The following RBFOX1 variants were observed in gnomAD, a reference collection of about 807,000 sequenced individuals.
RBFOX1 encodes RNA binding fox-1 homolog 1.
RBFOX1 carries 8 observed loss-of-function variants against 57.7 expected under a neutral mutation model. The ratio of observed to expected loss-of-function variants is 0.14; its 90% CI spans 0.08 to 0.25. The LOEUF (loss-of-function observed/expected upper bound fraction) is 0.25, where lower values mean the gene tolerates loss of function less well. RBFOX1 is among the 10% of genes least tolerant of loss of function. The pLI, the probability that RBFOX1 is intolerant of heterozygous loss-of-function variation, is 1.00. For synonymous variants in RBFOX1, 326 were observed against 222.4 expected (o/e 1.47, Z -4.15); for missense variants, 611 against 548.5 (o/e 1.11, Z -1.14).
At chr16:6,799,807 C>T (rs181003446) in intron 3 of RBFOX1, among the ~76,000 whole-genome samples, 147 of 150,382 alleles carry the variant, frequency 9.8e-4, no homozygotes, top group African/African-American at 3.4e-3. Flanking sequence ...TTGCTAGAGG[C>T]TCTTGGGACT....
chr16:6,237,706 A>C (rs2097516258), intron 1 of RBFOX1, among the ~76,000 whole-genome samples: 1 of 151,994 alleles, frequency 6.6e-6, no homozygotes. Context: ...ACACCACTAC[A>C]CTCCAGCCTG....
intron 2 of RBFOX1, among the ~76,000 whole-genome samples, chr16:6,467,612 AT>A (rs1415484199): frequency 3.3e-5 from 5 of 152,158 alleles, no homozygotes; most frequent in African/African-American, 1.2e-4. Flanking sequence ...GTTGTTTCCT[AT>A]TAAAAGGAAA....
intron 12 of RBFOX1, among the ~76,000 whole-genome samples, chr16:7,655,829 A>G (rs537500878): frequency 5.3e-5 from 8 of 152,338 alleles, no homozygotes; most frequent in African/African-American, 1.9e-4. Context: ...TATATGGTTT[A>G]TCCTCACATG....
intron 4 of RBFOX1, among the ~76,000 whole-genome samples, chr16:7,172,412 A>G (rs1271939294): frequency 1.3e-5 from 2 of 152,192 alleles, no homozygotes; most frequent in Non-Finnish European, 2.9e-5. Context: ...ACACATTGTT[A>G]TTCCCACCAT....
chr16:6,894,688 C>G (rs116373911), intron 3 of RBFOX1, among the ~76,000 whole-genome samples: 2,732 of 152,274 alleles, frequency 0.018, 94 homozygotes, highest in African/African-American at 0.059. Flanking sequence ...TAGCCTCGAC[C>G]TCACTAAAAC....
At chr16:6,934,581 A>C (rs115569571) in intron 3 of RBFOX1, among the ~76,000 whole-genome samples, 1 of 152,202 alleles carries the variant, frequency 6.6e-6, no homozygotes, top group African/African-American at 2.4e-5. Context: ...TAACAAAGTC[A>C]TGTCATTTGC....
At chr16:6,871,530 C>T (rs889580239) in intron 3 of RBFOX1, among the ~76,000 whole-genome samples, 1 of 151,978 alleles carries the variant, frequency 6.6e-6, no homozygotes, top group Admixed American at 6.6e-5. Context: ...CCCTCATGCC[C>T]AGAGATCAAC....
Position 6,670,987 on chromosome 16 carries a change from G to C in RBFOX1, c.-16+16337G>C, listed in dbSNP as rs536604582. Among the ~76,000 whole-genome samples, 23 of 152,262 alleles carry C rather than the reference G, an allele frequency of 1.5e-4. No homozygotes were observed. In the South Asian group the frequency reaches 4.6e-3, roughly 30 times the overall value. On this transcript the variant is annotated intron_variant, in intron 3 of 15. Transcript: ENST00000550418. Reference sequence around the variant, plus strand: ...TGCACTCCAGCCTGGGTGACAGAGCGAGACTCCATCTCAAAAAAACAAAAA... The same window carrying C: ...TGCACTCCAGCCTGGGTGACAGAGCCAGACTCCATCTCAAAAAAACAAAAA...
At chr16:7,241,951 G>A (rs376277312) in intron 4 of RBFOX1, among the ~76,000 whole-genome samples, 39 of 152,092 alleles carry the variant, frequency 2.6e-4, no homozygotes, top group Middle Eastern at 3.4e-3. Context: ...CTGCATATGC[G>A]TGTGTATATA....
intron 4 of RBFOX1, among the ~76,000 whole-genome samples, chr16:5,895,675 T>C (rs2058146914): frequency 6.6e-6 from 1 of 152,166 alleles, no homozygotes; most frequent in Non-Finnish European, 1.5e-5. Flanking sequence ...ATTTAACTCT[T>C]GCAGACTTAG....
At chr16:6,914,412 G>A (rs750240105) in intron 3 of RBFOX1, among the ~76,000 whole-genome samples, 9 of 152,162 alleles carry the variant, frequency 5.9e-5, no homozygotes, top group Non-Finnish European at 1.2e-4. Flanking sequence ...AAAAGAGGAA[G>A]AGAGAAGAGA....
chr16:6,273,130 T>G (rs1356876418), intron 1 of RBFOX1, among the ~76,000 whole-genome samples: 1 of 151,588 alleles, frequency 6.6e-6, no homozygotes, highest in Admixed American at 6.6e-5. Context: ...CATGGTGGCT[T>G]CAGCCTGTAA....
chr16:6,624,280 A>T (rs955416224), intron 2 of RBFOX1, among the ~76,000 whole-genome samples: 7 of 152,228 alleles, frequency 4.6e-5, no homozygotes, highest in African/African-American at 1.7e-4. Context: ...TCCTTTGCAA[A>T]AGTACCTTTT....
In RBFOX1 at chr16:6,711,498, C is replaced by A. The variant is rs1441421224; in HGVS notation, c.-16+56848C>A. On this transcript the variant is annotated intron_variant, in intron 3 of 15. Coordinates refer to ENST00000550418, the MANE Select transcript of RBFOX1 (RefSeq NM_018723.4). ...TAGGAGGTGACTGGGTCATGCTGTT[C>A]TTGTGGTAGAGAGTGAGTTCTCACA... Among the ~76,000 whole-genome samples the A allele has an allele frequency of 2.0e-5, 3 of 152,120 alleles. No individual in the cohort carries two copies. In the East Asian group the frequency reaches 5.8e-4, roughly 29 times the overall value.
At chr16:7,077,794 G>C (rs2058537838) in intron 4 of RBFOX1, among the ~76,000 whole-genome samples, 1 of 152,094 alleles carries the variant, frequency 6.6e-6, no homozygotes, top group Non-Finnish European at 1.5e-5. Context: ...ACTTAAATGA[G>C]GTTTTGATAT....
intron 3 of RBFOX1, among the ~76,000 whole-genome samples, chr16:7,002,895 A>C (rs2153636792): frequency 6.6e-6 from 1 of 152,314 alleles, no homozygotes; most frequent in African/African-American, 2.4e-5. Context: ...TAAGGCTAGA[A>C]ATCAGAATAA....
At chr16:5,704,932 G>A (rs926835049) in intron 3 of RBFOX1, among the ~76,000 whole-genome samples, 2 of 152,120 alleles carry the variant, frequency 1.3e-5, no homozygotes, top group Admixed American at 6.5e-5. Context: ...CAACCAAAAA[G>A]TCATATGGGA....
At chr16:6,317,358 C>A (rs564681677) in intron 2 of RBFOX1, among the ~76,000 whole-genome samples, 2 of 151,746 alleles carry the variant, frequency 1.3e-5, no homozygotes, top group Admixed American at 1.3e-4. Flanking sequence ...CTTTTTTTCT[C>A]CCCCTAAGGT....
At chr16:5,251,019 T>C (rs1003854619) in intron 1 of RBFOX1, among the ~76,000 whole-genome samples, 1 of 152,202 alleles carries the variant, frequency 6.6e-6, no homozygotes, top group African/African-American at 2.4e-5. Context: ...CTGCAGATGA[T>C]GGCACGACCG....
Sources: allele counts gnomAD v4.1 joint callset (sites outside exome capture counted in the v4.1 genomes callset), GRCh38; gene constraint gnomAD v4.1.1; transcripts MANE v1.5; gene names NCBI Gene and HGNC (gene_info 2026-07-23, HGNC 2026-07-21).